Variants in TNRC6B observed in about 807,000 individuals in gnomAD.
TNRC6B encodes the protein trinucleotide repeat-containing gene 6B protein.
In TNRC6B, 52 loss-of-function variants were observed where a neutral mutation model predicts 203.6. The observed-to-expected ratio is 0.26, with a 90% confidence interval of 0.20 to 0.32. The LOEUF (loss-of-function observed/expected upper bound fraction) is 0.32, where lower values mean the gene tolerates loss of function less well. TNRC6B is among the 10% of genes least tolerant of loss of function. The probability of loss-of-function intolerance (pLI) is 1.00; values close to 1 mark genes in which losing one functional copy is unlikely to be tolerated. For synonymous variants in TNRC6B, 838 were observed against 845.7 expected (o/e 0.99, Z 0.16); for missense variants, 1,923 against 2,286.2 (o/e 0.84, Z 3.24).
intron 1 of TNRC6B, among the ~76,000 whole-genome samples, chr22:40,214,371 TACAC>T (rs1285992499): frequency 6.6e-6 from 1 of 152,134 alleles, no homozygotes; most frequent in Non-Finnish European, 1.5e-5. Flanking sequence ...TAGAACTAAA[TACAC>T]ACATAAACGA....
intron 15 of TNRC6B, 88 bp downstream of exon 15, chr22:40,301,421 T>G (rs2071021832): frequency 2.3e-6 from 3 of 1,332,372 alleles, no homozygotes. Flanking sequence ...CCCTCCTTTT[T>G]TATGTCAGCT....
At chr22:40,208,111 C>CAAAAAAAAAA (rs905832467) in intron 1 of TNRC6B, among the ~76,000 whole-genome samples, 3 of 74,950 alleles carry the variant, frequency 4.0e-5, no homozygotes, top group Non-Finnish European at 6.8e-5. Flanking sequence ...GACTCCATCT[C>CAAAAAAAAAA]AAAAAAAAAA....
intron 1 of TNRC6B, among the ~76,000 whole-genome samples, chr22:40,054,873 C>T (rs966946898): frequency 7.5e-6 from 1 of 134,224 alleles, no homozygotes; most frequent in East Asian, 2.2e-4. Flanking sequence ...CCCATCTCTA[C>T]AAAAAAAAAA....
At chr22:40,079,766 G>A (rs959859331) in intron 1 of TNRC6B, among the ~76,000 whole-genome samples, 1 of 151,632 alleles carries the variant, frequency 6.6e-6, no homozygotes, top group South Asian at 2.1e-4. Flanking sequence ...TTACAGGCAT[G>A]TACCACCACA....
chr22:40,278,785 G>A (rs1940378433), intron 9 of TNRC6B, among the ~76,000 whole-genome samples: 1 of 152,194 alleles, frequency 6.6e-6, no homozygotes, highest in South Asian at 2.1e-4. Flanking sequence ...TGTCACCCTG[G>A]CTGGAGTGCA....
At chr22:40,153,531 A>G (rs950896939) in intron 3 of TNRC6B, among the ~76,000 whole-genome samples, 1 of 144,446 alleles carries the variant, frequency 6.9e-6, no homozygotes, top group African/African-American at 2.7e-5. Context: ...TGAAAAATAC[A>G]TAACAAATAC....
At chr22:40,130,779 T>TA (rs200268757) in intron 3 of TNRC6B, among the ~76,000 whole-genome samples, 1,463 of 63,706 alleles carry the variant, frequency 0.023, 18 homozygotes, top group South Asian at 0.028. Flanking sequence ...AGACTCCGTC[T>TA]AAAAAAAAAA....
chr22:40,285,858 G>A, intron 12 of TNRC6B, 88 bp downstream of exon 12: 4 of 1,498,350 alleles, frequency 2.7e-6, no homozygotes, highest in Non-Finnish European at 2.7e-6. Context: ...GGCATAAAAA[G>A]AATGATAGTA....
chr22:40,334,479 A>G lies in TNRC6B; in HGVS notation c.*11238A>G, dbSNP rs1185847077. The G allele has an allele frequency of 6.6e-6, 1 of 152,620 alleles. No individual in the cohort carries two copies. Among genetic ancestry groups the G allele is most frequent in the Non-Finnish European group, 1.5e-5 (1 of 68,048 alleles). The allele number at this position is 152,620 out of a possible 1,614,324, so 9.5% of individuals were successfully genotyped here. On this transcript the variant is annotated 3_prime_UTR_variant, in exon 23 of 23. Coordinates refer to ENST00000454349, the MANE Select transcript of TNRC6B (RefSeq NM_001162501.2). Reference sequence around the variant, plus strand: ...CTCCACTATGTGCTTATAACTTCACATTCTATGCCCTCCCCGCCACCCACC... The same window carrying G: ...CTCCACTATGTGCTTATAACTTCACGTTCTATGCCCTCCCCGCCACCCACC...
intron 11 of TNRC6B, among the ~76,000 whole-genome samples, chr22:40,285,321 C>G (rs1011380312): frequency 6.6e-6 from 1 of 152,144 alleles, no homozygotes; most frequent in African/African-American, 2.4e-5. Context: ...TTTGGTAAAC[C>G]CAATCGCAAA....
chr22:40,156,850 C>T (rs1240024507), intron 4 of TNRC6B, among the ~76,000 whole-genome samples: 1 of 150,240 alleles, frequency 6.7e-6, no homozygotes, highest in African/African-American at 2.5e-5. Flanking sequence ...ACTTCCGCCT[C>T]CTGGGTTCAA....
At chr22:40,059,681 G>T (rs1434548271) in intron 1 of TNRC6B, among the ~76,000 whole-genome samples, 1 of 152,042 alleles carries the variant, frequency 6.6e-6, no homozygotes, top group Non-Finnish European at 1.5e-5. Context: ...TTCATTGGAT[G>T]TGCTTTTTAA....
intron 4 of TNRC6B, among the ~76,000 whole-genome samples, chr22:40,170,827 ATATACATATATGTACATATATGTGTG>A (rs2068982471): frequency 1.3e-5 from 1 of 75,678 alleles, no homozygotes; most frequent in African/African-American, 7.1e-5. Context: ...ATGTGTGTGT[ATATACATATATGTACATATATGTGTG>A]TATATATACA....
At chr22:40,270,444 C>T (rs1025727168) in intron 6 of TNRC6B, among the ~76,000 whole-genome samples, 164 bp downstream of exon 6, 14 of 151,734 alleles carry the variant, frequency 9.2e-5, no homozygotes, top group Non-Finnish European at 1.9e-4. Context: ...CTCAGCCTCC[C>T]GAGTAGCTGG....
At chr22:40,288,561 G>T (rs879913837) in intron 12 of TNRC6B, among the ~76,000 whole-genome samples, 5,154 of 117,824 alleles carry the variant, frequency 0.044, 355 homozygotes, top group Admixed American at 0.23. Context: ...TTTTTTTTTT[G>T]AGTTGGAGTC....
intron 16 of TNRC6B, 117 bp from the exon 17 acceptor site, chr22:40,310,700 C>T: frequency 9.9e-7 from 1 of 1,014,790 alleles, no homozygotes; most frequent in Non-Finnish European, 1.4e-6. Context: ...TATTCCAGTG[C>T]TGTTTGTATA....
intron 12 of TNRC6B, among the ~76,000 whole-genome samples, chr22:40,295,684 G>A (rs1049282087): frequency 1.3e-5 from 2 of 151,920 alleles, no homozygotes; most frequent in African/African-American, 4.8e-5. Flanking sequence ...TGGATAGTAA[G>A]GGTAAAAGCA....
chr22:40,053,805 T>C (rs1469536748), intron 1 of TNRC6B, among the ~76,000 whole-genome samples: 1 of 152,264 alleles, frequency 6.6e-6, no homozygotes, highest in Non-Finnish European at 1.5e-5. Context: ...CTTCAGAGAA[T>C]TGTTGAAACT....
chr22:40,069,486 T>C (rs2146278820), intron 1 of TNRC6B, among the ~76,000 whole-genome samples: 1 of 151,930 alleles, frequency 6.6e-6, no homozygotes, highest in South Asian at 2.1e-4. Context: ...AGCTTTTTTT[T>C]TTTAATTTTT....
Sources: gnomAD v4.1 joint callset for allele counts (sites outside exome capture counted in the v4.1 genomes callset) on GRCh38, gnomAD v4.1.1 for gene constraint, MANE v1.5 for transcripts, NCBI Gene and HGNC (gene_info 2026-07-23, HGNC 2026-07-21) for gene names.